The following ARHGEF4 variants were observed in gnomAD, a reference collection of about 807,000 sequenced individuals.
The protein encoded by ARHGEF4 is APC-stimulated guanine nucleotide exchange factor 1.
ARHGEF4 carries 119 observed loss-of-function variants against 162.0 expected under a neutral mutation model. That is an observed-to-expected ratio of 0.73 (90% CI 0.63 to 0.86). ARHGEF4 has a LOEUF of 0.86. Among genes scored for constraint, ARHGEF4 ranks in the 40% least tolerant of loss-of-function variants. ARHGEF4 has a pLI of 0.00. For synonymous variants in ARHGEF4, 1,014 were observed against 979.9 expected (o/e 1.03, Z -0.65); for missense variants, 2,488 against 2,456.0 (o/e 1.01, Z -0.28).
intron 1 of ARHGEF4, among the ~76,000 whole-genome samples, chr2:130,912,468 T>C (rs565834943): frequency 2.8e-4 from 43 of 152,378 alleles, no homozygotes; most frequent in African/African-American, 9.9e-4. Flanking sequence ...TTCCTCATGT[T>C]CTACCCTGCA....
chr2:130,910,158 A>G (rs571276008), intron 1 of ARHGEF4, among the ~76,000 whole-genome samples: 1 of 152,304 alleles, frequency 6.6e-6, no homozygotes, highest in African/African-American at 2.4e-5. Context: ...TACCTATGTA[A>G]CAAACCTGCA....
At chr2:130,876,644 G>A (rs1430593793) in intron 1 of ARHGEF4, among the ~76,000 whole-genome samples, 14 of 152,090 alleles carry the variant, frequency 9.2e-5, no homozygotes, top group Non-Finnish European at 8.8e-5. Context: ...CGCCCGCCTC[G>A]GCCTCCCAAA....
chr2:131,024,272 T>G (rs1479391334), intron 4 of ARHGEF4, among the ~76,000 whole-genome samples: 1 of 152,124 alleles, frequency 6.6e-6, no homozygotes, highest in Non-Finnish European at 1.5e-5. Flanking sequence ...TTTTGTTTTG[T>G]TTTTTGGGCG....
At chr2:130,847,817 C>T (rs945534214) in intron 1 of ARHGEF4, among the ~76,000 whole-genome samples, 15 of 152,206 alleles carry the variant, frequency 9.9e-5, no homozygotes, top group East Asian at 1.9e-4. Context: ...GCATGGAAGG[C>T]GGCCTTGAAG....
intron 2 of ARHGEF4, among the ~76,000 whole-genome samples, chr2:130,926,064 T>TTCTCTCTCTCTCTCTCTC (rs1682263488): frequency 8.7e-6 from 1 of 115,516 alleles, no homozygotes; most frequent in African/African-American, 3.0e-5. Context: ...CTTTCTTTCT[T>TTCTCTCTCTCTCTCTCTC]TCTTTCTTTC....
intron 6 of ARHGEF4, 190 bp from the exon 7 acceptor site, chr2:131,039,826 C>T (rs1051876969): frequency 5.0e-6 from 7 of 1,410,364 alleles, no homozygotes; most frequent in Non-Finnish European, 5.5e-6. Context: ...CTGCGGGCGT[C>T]GGAGTCGTCA....
chr2:130,935,271 CA>C (rs1682875041), intron 3 of ARHGEF4, among the ~76,000 whole-genome samples: 1 of 151,998 alleles, frequency 6.6e-6, no homozygotes, highest in Admixed American at 6.6e-5. Context: ...CTCCTGGGCT[CA>C]AGTGGTTTGC....
intron 1 of ARHGEF4, among the ~76,000 whole-genome samples, chr2:130,894,854 GC>G (rs1231362011): frequency 6.6e-6 from 1 of 152,062 alleles, no homozygotes; most frequent in African/African-American, 2.4e-5. Context: ...CAGGGGACAT[GC>G]CCTCCCCCAT....
Position 130,915,810 on chromosome 2 carries a change from G to A in ARHGEF4, c.1864G>A (p.Gly622Ser), listed in dbSNP as rs780361550. The A allele has an allele frequency of 2.0e-6, 3 of 1,524,402 alleles. No homozygotes were observed. Among genetic ancestry groups the A allele is most frequent in the Non-Finnish European group, 2.6e-6 (3 of 1,134,534 alleles). 94.4% of individuals were successfully genotyped at this position (1,524,402 alleles called of 1,614,324 possible). A position where few individuals can be genotyped will look rare whatever the true frequency, so the allele number is the denominator to read the frequency against. ...CCGGCAGCTGGAGCCCAAAGCAGGC[G>A]GCGAGGCCTCGAGGGGCAGGGGCGC... ...GGRQLEPKAG[G>S]EASRGRGALI... Residue 622 changes from glycine (G) to serine (S), a missense_variant, in exon 2 of 14, where the codon GGC (glycine) becomes AGC (serine). Gly to Ser is a moderately conservative substitution (Grantham distance 56). Around this residue, in one of 6 missense-constraint regions of ARHGEF4, gnomAD observed 1,642 missense variants for 1,481.5 expected, o/e 1.11. Transcript: ENST00000409359.
intron 2 of ARHGEF4, among the ~76,000 whole-genome samples, chr2:130,924,845 C>A (rs949022274): frequency 4.6e-5 from 7 of 152,108 alleles, no homozygotes; most frequent in African/African-American, 1.4e-4. Flanking sequence ...TGACGGTGAG[C>A]CTTGGGTTAA....
At chr2:130,946,007 G>C (rs1020767237) in intron 3 of ARHGEF4, among the ~76,000 whole-genome samples, 50 of 152,246 alleles carry the variant, frequency 3.3e-4, no homozygotes, top group African/African-American at 1.2e-3. Flanking sequence ...GTTTATCTCT[G>C]GACAATGGGA....
chr2:130,976,428 G>C (rs1202100518), intron 4 of ARHGEF4, among the ~76,000 whole-genome samples: 1 of 151,690 alleles, frequency 6.6e-6, no homozygotes, highest in Non-Finnish European at 1.5e-5. Flanking sequence ...TTAGTTTCCT[G>C]CTTGCACCTG....
At chr2:130,994,748 T>TG (rs1234382525) in intron 4 of ARHGEF4, among the ~76,000 whole-genome samples, 1 of 152,246 alleles carries the variant, frequency 6.6e-6, no homozygotes, top group Non-Finnish European at 1.5e-5. Flanking sequence ...GTTTTCCTTC[T>TG]GGAGATGGAT....
At chr2:130,841,823 T>G (rs1036110868) in intron 1 of ARHGEF4, among the ~76,000 whole-genome samples, 1 of 152,220 alleles carries the variant, frequency 6.6e-6, no homozygotes, top group Non-Finnish European at 1.5e-5. Context: ...TCAAGGGATT[T>G]TGGCTTTTCA....
rs1681377559 is a variant in ARHGEF4 at position 130,914,599 on chromosome 2, C to T, written c.653C>T (p.Ser218Phe). Residue 218 changes from serine (S) to phenylalanine (F), a missense_variant, in exon 2 of 14, where the codon TCT becomes TTT. Ser to Phe is a radical substitution (Grantham distance 155). Around this residue, in one of 6 missense-constraint regions of ARHGEF4, gnomAD observed 81 missense variants for 125.8 expected, o/e 0.64. Transcript: ENST00000409359. The stretch of plus-strand genomic sequence containing the variant: ...AGTGTTTCTCTTCAGAAATCCAGGT[C>T]TGAGAGCTATCTGGGCATCCCAGTG... ...LSSVSLQKSRSESYLGIPVVW... is the reference protein window; with the variant it reads ...LSSVSLQKSRFESYLGIPVVW... 1 of 1,393,764 alleles carries T rather than the reference C, an allele frequency of 7.2e-7. No homozygotes were observed. Among genetic ancestry groups the T allele is most frequent in the Non-Finnish European group, 9.3e-7 (1 of 1,080,778 alleles). 86.3% of individuals were successfully genotyped at this position (1,393,764 alleles called of 1,614,324 possible).
At chr2:130,919,425 A>G (rs900899326) in intron 2 of ARHGEF4, among the ~76,000 whole-genome samples, 1 of 152,178 alleles carries the variant, frequency 6.6e-6, no homozygotes, top group African/African-American at 2.4e-5. Context: ...CACCCCTCCA[A>G]CTTAGTTGCT....
At chr2:130,893,137 G>T (rs542533984) in intron 1 of ARHGEF4, among the ~76,000 whole-genome samples, 1 of 152,186 alleles carries the variant, frequency 6.6e-6, no homozygotes, top group African/African-American at 2.4e-5. Context: ...GTGGTTTCAC[G>T]CTAGGTTTCT....
chr2:131,031,509 C>T (rs943570420), intron 5 of ARHGEF4, among the ~76,000 whole-genome samples: 2 of 152,242 alleles, frequency 1.3e-5, no homozygotes, highest in Admixed American at 6.5e-5. Flanking sequence ...AGCCATAGTC[C>T]TGCCTGCAGG....
At chr2:130,971,299 GTTC>G (rs1198248752) in intron 4 of ARHGEF4, among the ~76,000 whole-genome samples, 2 of 152,066 alleles carry the variant, frequency 1.3e-5, no homozygotes, top group African/African-American at 2.4e-5. Flanking sequence ...CTCCAATTTT[GTTC>G]TTCTTTTTCA....
Sources: gnomAD v4.1 joint callset for allele counts (sites outside exome capture counted in the v4.1 genomes callset) on GRCh38, gnomAD v4.1.1 for gene constraint, gnomAD v4.1.1 regional missense constraint, MANE v1.5 for transcripts, NCBI Gene and HGNC (gene_info 2026-07-23, HGNC 2026-07-21) for gene names.